SLC49A4: variants seen among roughly 807,000 people sequenced by gnomAD.
SLC49A4 encodes solute carrier family 49 member 4.
In SLC49A4, 36 loss-of-function variants were observed where a neutral mutation model predicts 50.6. The observed-to-expected ratio is 0.71, with a 90% confidence interval of 0.55 to 0.94. The LOEUF is 0.94. SLC49A4 is among the 40% of genes least tolerant of loss of function. The probability of loss-of-function intolerance (pLI) is 0.00; values close to 1 mark genes in which losing one functional copy is unlikely to be tolerated. For missense variants in SLC49A4, 503 were observed against 605.7 expected, an observed-to-expected ratio of 0.83 and a Z score of 1.78; for synonymous variants, 248 against 241.2, an observed-to-expected ratio of 1.03 and a Z score of -0.26.
intron 5 of SLC49A4, among the ~76,000 whole-genome samples, chr3:122,855,916 C>T (rs1201151036): frequency 6.6e-6 from 1 of 152,208 alleles, no homozygotes; most frequent in Non-Finnish European, 1.5e-5. Flanking sequence ...TTCTCCCTGC[C>T]TTCCACCTCC....
At chr3:122,836,494 A>T (rs1411700452) in intron 4 of SLC49A4, among the ~76,000 whole-genome samples, 1 of 152,040 alleles carries the variant, frequency 6.6e-6, no homozygotes, top group Admixed American at 6.6e-5. Flanking sequence ...TGGTATCAGG[A>T]TGATGCTGGC....
chr3:122,795,538 G>A lies in SLC49A4; in HGVS notation c.343+3G>A. ...CATGTGGCTCCTGGACAAGAGAGGT[G>A]AGGGGTCGCGGAGCGCCAGCCCGCG... On this transcript the variant is annotated splice_donor_region_variant and intron_variant, in intron 1 of 8. Transcript: ENST00000261038. 6.3e-7 allele frequency: 1 copy of A among 1,588,372 alleles called. No individual in the cohort carries two copies. Among genetic ancestry groups the A allele is most frequent in the Admixed American group, 1.7e-5 (1 of 57,976 alleles).
chr3:122,866,029 TTTTG>T (rs1560237997), intron 7 of SLC49A4, among the ~76,000 whole-genome samples: 1 of 151,912 alleles, frequency 6.6e-6, no homozygotes, highest in Non-Finnish European at 1.5e-5. Context: ...CCTACAAGTT[TTTTG>T]TTTATTTGTT....
intron 3 of SLC49A4, among the ~76,000 whole-genome samples, chr3:122,829,524 G>A (rs1936581419): frequency 6.6e-6 from 1 of 152,190 alleles, no homozygotes; most frequent in Non-Finnish European, 1.5e-5. Context: ...AGGCCGACAA[G>A]GGAGGATCAC....
chr3:122,810,704 A>G (rs1936286886), intron 2 of SLC49A4, among the ~76,000 whole-genome samples: 2 of 152,268 alleles, frequency 1.3e-5, no homozygotes, highest in Non-Finnish European at 2.9e-5. Flanking sequence ...ATTAATATTA[A>G]CAATACTTAA....
rs199860944 is a variant in SLC49A4 at position 122,796,734 on chromosome 3, A to AT, written c.343+1202dup. Among the ~76,000 whole-genome samples, 646 of 152,248 alleles carry AT rather than the reference A, an allele frequency of 4.2e-3. 8 individuals are homozygous for AT. The highest frequency in any genetic ancestry group is 9.7e-3 in the Admixed American group (149 of 15,294). ...TGAGGGTTAAGATTTCAAAATGTGA[A>AT]TTTGAGGCCTGGCGCAGTGGCTCAA... On this transcript the variant is annotated intron_variant, in intron 1 of 8. Transcript: ENST00000261038.
intron 3 of SLC49A4, among the ~76,000 whole-genome samples, chr3:122,830,362 A>C (rs1045478446): frequency 3.9e-5 from 6 of 152,238 alleles, no homozygotes; most frequent in African/African-American, 1.4e-4. Flanking sequence ...TATCCAAAAC[A>C]ATCTTGAAAA....
chr3:122,796,655 C>G (rs1030544220), intron 1 of SLC49A4, among the ~76,000 whole-genome samples: 3 of 152,186 alleles, frequency 2.0e-5, no homozygotes, highest in Non-Finnish European at 4.4e-5. Flanking sequence ...ACATGGGTTC[C>G]ACCCTCATAA....
intron 1 of SLC49A4, among the ~76,000 whole-genome samples, chr3:122,801,032 ACAG>A (rs1936120934): frequency 6.6e-6 from 1 of 152,184 alleles, no homozygotes; most frequent in Non-Finnish European, 1.5e-5. Flanking sequence ...CTGGGCAAGT[ACAG>A]GCATGGGCAG....
intron 6 of SLC49A4, among the ~76,000 whole-genome samples, chr3:122,857,470 G>T (rs946440172): frequency 6.6e-6 from 1 of 151,890 alleles, no homozygotes; most frequent in Non-Finnish European, 1.5e-5. Context: ...TTATATATTT[G>T]GGAAGATCAA....
chr3:122,876,914 A>T (rs1188914392), intron 8 of SLC49A4, among the ~76,000 whole-genome samples: 1 of 152,214 alleles, frequency 6.6e-6, no homozygotes, highest in Non-Finnish European at 1.5e-5. Context: ...TGTGTAGTAG[A>T]CAGTAGAGAC....
chr3:122,837,974 C>T (rs1319060868), intron 4 of SLC49A4, among the ~76,000 whole-genome samples: 1 of 152,012 alleles, frequency 6.6e-6, no homozygotes, highest in East Asian at 1.9e-4. Context: ...TCATCACTGG[C>T]CATCAGAGAA....
In SLC49A4 at chr3:122,842,857, T is replaced by C. The variant is rs531981676; in HGVS notation, c.834-2906T>C. Among the ~76,000 whole-genome samples, 60 of 152,330 alleles carry C rather than the reference T, an allele frequency of 3.9e-4. 1 individual carries two copies. In the South Asian group the frequency reaches 0.012, roughly 31 times the overall value. Reference sequence around the variant, plus strand: ...CTTACTCTGCATGAATGCCAGCTTCTACCTTTGGGCTCTCCAGGGGAGTTC... The same window carrying C: ...CTTACTCTGCATGAATGCCAGCTTCCACCTTTGGGCTCTCCAGGGGAGTTC... On this transcript the variant is annotated intron_variant, in intron 4 of 8. Coordinates refer to ENST00000261038, the MANE Select transcript of SLC49A4 (RefSeq NM_032839.3).
intron 7 of SLC49A4, among the ~76,000 whole-genome samples, chr3:122,866,189 C>A (rs908633059): frequency 6.6e-6 from 1 of 151,084 alleles, no homozygotes; most frequent in African/African-American, 2.4e-5. Flanking sequence ...CCACCATGCC[C>A]AGCTAACTTT....
intron 5 of SLC49A4, among the ~76,000 whole-genome samples, chr3:122,852,199 C>T (rs1250906756): frequency 6.6e-6 from 1 of 152,126 alleles, no homozygotes; most frequent in African/African-American, 2.4e-5. Context: ...GCCATGTTAG[C>T]CAGGCTGGTC....
intron 2 of SLC49A4, among the ~76,000 whole-genome samples, chr3:122,814,842 T>G (rs1359668713): frequency 1.3e-5 from 2 of 152,142 alleles, no homozygotes; most frequent in African/African-American, 4.8e-5. Flanking sequence ...TAGTGTATTT[T>G]ATGTGTGGCC....
intron 2 of SLC49A4, among the ~76,000 whole-genome samples, chr3:122,820,010 G>A (rs1936429106): frequency 1.3e-5 from 2 of 152,030 alleles, no homozygotes; most frequent in African/African-American, 4.8e-5. Flanking sequence ...TACTAGAATA[G>A]CACTGAGGAA....
intron 1 of SLC49A4, among the ~76,000 whole-genome samples, chr3:122,806,513 G>A (rs1936220476): frequency 6.6e-6 from 1 of 152,008 alleles, no homozygotes; most frequent in African/African-American, 2.4e-5. Flanking sequence ...GAGTAGCCGG[G>A]ATTACAGGTG....
chr3:122,828,447 A>C (rs997421588), intron 3 of SLC49A4, among the ~76,000 whole-genome samples: 2 of 152,210 alleles, frequency 1.3e-5, no homozygotes, highest in Non-Finnish European at 2.9e-5. Flanking sequence ...CACTGTAGAG[A>C]GGAAACTTAA....
Sources: gnomAD v4.1 joint callset for allele counts (sites outside exome capture counted in the v4.1 genomes callset) on GRCh38, gnomAD v4.1.1 for gene constraint, MANE v1.5 for transcripts, NCBI Gene and HGNC (gene_info 2026-07-23, HGNC 2026-07-21) for gene names.